Variants in DLG2 observed in about 807,000 individuals in gnomAD.
The protein encoded by DLG2 is disks large homolog 2.
DLG2 carries 45 observed loss-of-function variants against 132.5 expected under a neutral mutation model. The ratio of observed to expected loss-of-function variants is 0.34; its 90% CI spans 0.27 to 0.44. The LOEUF (loss-of-function observed/expected upper bound fraction) is 0.44. DLG2 is among the 20% of genes least tolerant of loss of function. The pLI, the probability that DLG2 is intolerant of heterozygous loss-of-function variation, is 1.00. For synonymous variants in DLG2, 424 were observed against 419.6 expected (o/e 1.01, Z -0.13); for missense variants, 1,045 against 1,196.9 (o/e 0.87, Z 1.87).
chr11:84,681,636 G>C (rs1419476350), intron 6 of DLG2, among the ~76,000 whole-genome samples: 1 of 152,024 alleles, frequency 6.6e-6, no homozygotes, highest in Admixed American at 6.5e-5. Flanking sequence ...ATTAATGCTT[G>C]ATCTCTGCAG....
chr11:84,649,266 T>C (rs1310747169), intron 6 of DLG2, among the ~76,000 whole-genome samples: 2 of 152,210 alleles, frequency 1.3e-5, no homozygotes, highest in East Asian at 3.9e-4. Flanking sequence ...AATTCCCTAG[T>C]AACAGTTTCT....
chr11:84,805,575 AAGAG>A (rs2075901209), intron 6 of DLG2, among the ~76,000 whole-genome samples: 1 of 152,096 alleles, frequency 6.6e-6, no homozygotes, highest in African/African-American at 2.4e-5. Context: ...TAAATTCCTC[AAGAG>A]ATCGGGTTGG....
rs552735730 is a variant in DLG2 at position 84,575,058 on chromosome 11, T to G, written c.358-40327A>C. ...TAATGTACTGATATACTCCTATGAT[T>G]GGCTGCCGTGCTCTAAGCTGGATTC... On this transcript the variant is annotated intron_variant, in intron 6 of 27. Coordinates refer to ENST00000376104, the MANE Select transcript of DLG2 (RefSeq NM_001142699.3). 2.0e-5 allele frequency among the ~76,000 whole-genome samples: 3 copies of G among 152,352 alleles called. No individual in the cohort carries two copies. In the South Asian group the frequency reaches 6.2e-4, roughly 32 times the overall value.
intron 9 of DLG2, among the ~76,000 whole-genome samples, chr11:84,101,016 C>T (rs2092473948): frequency 1.3e-5 from 2 of 152,060 alleles, no homozygotes; most frequent in African/African-American, 4.8e-5. Flanking sequence ...TGAAAAAGTC[C>T]AGTGTTCACT....
At chr11:84,197,009 C>T (rs1597216026) in intron 8 of DLG2, among the ~76,000 whole-genome samples, 1 of 133,412 alleles carries the variant, frequency 7.5e-6, no homozygotes, top group East Asian at 2.3e-4. Context: ...TGCACTTCAG[C>T]CTGGGCAACA....
chr11:85,618,153 C>T (rs1430623887), intron 2 of DLG2, among the ~76,000 whole-genome samples: 1 of 152,104 alleles, frequency 6.6e-6, no homozygotes, highest in Non-Finnish European at 1.5e-5. Context: ...CTGGATAAAA[C>T]TCATGATCCT....
intron 6 of DLG2, among the ~76,000 whole-genome samples, chr11:84,556,980 A>G (rs1354819034): frequency 6.6e-6 from 1 of 152,176 alleles, no homozygotes; most frequent in Non-Finnish European, 1.5e-5. Flanking sequence ...GCCCCTGGGT[A>G]TCCATCCCGG....
At chr11:84,473,116 C>T (rs1602752421) in intron 7 of DLG2, among the ~76,000 whole-genome samples, 1 of 152,022 alleles carries the variant, frequency 6.6e-6, no homozygotes, top group East Asian at 1.9e-4. Context: ...AAAGTTCATT[C>T]ACCTCGTATT....
intron 4 of DLG2, among the ~76,000 whole-genome samples, chr11:85,223,264 T>C (rs1032279708): frequency 3.9e-5 from 6 of 152,064 alleles, no homozygotes; most frequent in African/African-American, 1.4e-4. Flanking sequence ...CTGCAATAGA[T>C]TGGTCCTTTC....
intron 18 of DLG2, among the ~76,000 whole-genome samples, chr11:83,783,470 T>C (rs1041877844): frequency 2.0e-5 from 3 of 152,218 alleles, no homozygotes; most frequent in African/African-American, 7.2e-5. Context: ...TCTTTAGCAA[T>C]TCCTTTATGT....
intron 21 of DLG2, among the ~76,000 whole-genome samples, chr11:83,485,645 C>G (rs184142163): frequency 6.6e-6 from 1 of 152,254 alleles, no homozygotes; most frequent in African/African-American, 2.4e-5. Flanking sequence ...GCAAGGTGAC[C>G]CTTAGAAGGA....
chr11:85,396,293 A>C (rs2087358086), intron 3 of DLG2, among the ~76,000 whole-genome samples: 1 of 152,216 alleles, frequency 6.6e-6, no homozygotes, highest in Non-Finnish European at 1.5e-5. Context: ...CAAAGACCAA[A>C]GGTAGATATA....
chr11:84,222,281 C>T (rs1271242985), intron 8 of DLG2, among the ~76,000 whole-genome samples: 2 of 152,198 alleles, frequency 1.3e-5, no homozygotes, highest in Admixed American at 6.5e-5. Context: ...ATCCACCTGC[C>T]TTGGCCTCCC....
chr11:83,553,046 A>G (rs1345893508), intron 19 of DLG2, among the ~76,000 whole-genome samples: 2 of 152,144 alleles, frequency 1.3e-5, no homozygotes, highest in African/African-American at 2.4e-5. Context: ...TTGACTCATG[A>G]GAGTTAGGTG....
chr11:85,472,377 C>T (rs899780928), intron 3 of DLG2, among the ~76,000 whole-genome samples: 4 of 152,204 alleles, frequency 2.6e-5, no homozygotes, highest in Admixed American at 1.3e-4. Flanking sequence ...TCTCAGCTCA[C>T]TGCAATCTCC....
chr11:85,612,765 G>A (rs1306363010), intron 2 of DLG2, among the ~76,000 whole-genome samples: 1 of 152,090 alleles, frequency 6.6e-6, no homozygotes, highest in African/African-American at 2.4e-5. Context: ...CTACTTATAG[G>A]GTTAGGAATG....
At chr11:84,783,688 T>C (rs1330164947) in intron 6 of DLG2, among the ~76,000 whole-genome samples, 2 of 152,196 alleles carry the variant, frequency 1.3e-5, no homozygotes, top group Non-Finnish European at 2.9e-5. Flanking sequence ...TTACTATTCC[T>C]ACTCAAACTC....
chr11:84,630,792 G>A (rs1194575871), intron 6 of DLG2, among the ~76,000 whole-genome samples: 1 of 152,072 alleles, frequency 6.6e-6, no homozygotes, highest in Non-Finnish European at 1.5e-5. Context: ...AACAGGGAGT[G>A]AAGAAAGCTC....
chr11:85,044,194 A>G (rs2062107307), intron 6 of DLG2, among the ~76,000 whole-genome samples: 1 of 151,952 alleles, frequency 6.6e-6, no homozygotes, highest in Non-Finnish European at 1.5e-5. Context: ...TTTGTGCTCC[A>G]AGAATGTGTT....
Sources: gnomAD v4.1 joint callset for allele counts (sites outside exome capture counted in the v4.1 genomes callset) on GRCh38, gnomAD v4.1.1 for gene constraint, MANE v1.5 for transcripts, NCBI Gene and HGNC (gene_info 2026-07-23, HGNC 2026-07-21) for gene names.